Variants in SEL1L2 observed in about 807,000 individuals in gnomAD.
SEL1L2 encodes protein sel-1 homolog 2.
SEL1L2 carries 89 observed loss-of-function variants against 98.8 expected under a neutral mutation model. The ratio of observed to expected loss-of-function variants is 0.90; its 90% CI spans 0.76 to 1.07. The LOEUF (loss-of-function observed/expected upper bound fraction) is 1.07, where lower values mean the gene tolerates loss of function less well. SEL1L2 is among the 50% of genes least tolerant of loss of function. SEL1L2 has a pLI of 0.00. For missense variants in SEL1L2, 788 were observed against 812.0 expected (o/e 0.97, Z 0.36); for synonymous variants, 262 against 278.5 (o/e 0.94, Z 0.59).
At chr20:13,896,978 G>T (rs939987667) in intron 5 of SEL1L2, among the ~76,000 whole-genome samples, 2 of 152,112 alleles carry the variant, frequency 1.3e-5, no homozygotes, top group African/African-American at 2.4e-5. Flanking sequence ...AAAACAAAAT[G>T]GGAGGCCTCA....
At chr20:13,852,696 T>C (rs1208527920) in intron 18 of SEL1L2, among the ~76,000 whole-genome samples, 2 of 152,206 alleles carry the variant, frequency 1.3e-5, no homozygotes, top group Non-Finnish European at 2.9e-5. Context: ...GAACATGTTT[T>C]TAACTAAAAT....
chr20:13,947,915 G>C (rs970965427), intron 2 of SEL1L2, among the ~76,000 whole-genome samples: 1 of 152,218 alleles, frequency 6.6e-6, no homozygotes, highest in Non-Finnish European at 1.5e-5. Context: ...CACAGTGACT[G>C]GACCCCGTGC....
chr20:13,988,235 G>C (rs1051492378), intron 1 of SEL1L2, among the ~76,000 whole-genome samples: 1 of 152,036 alleles, frequency 6.6e-6, no homozygotes, highest in East Asian at 1.9e-4. Flanking sequence ...GTAGGTTCTC[G>C]CTATGTTGAC....
At position 13,850,205 on chromosome 20, in the gene SEL1L2, T is replaced by C. The variant is rs745581158; in HGVS notation, c.1933A>G (p.Ile645Val). The change falls in exon 19 of 20, where the codon ATC becomes GTC. Residue 645 changes from isoleucine (I) to valine (V), a missense_variant. Ile to Val is a conservative substitution (Grantham distance 29, BLOSUM62 3). Transcript: ENST00000284951. ...KLETTHLLRD[I>V]LFFNFTTRWN... ...GACAAACTTACATTAAAAAACAGGA[T>C]ATCCCGGAGCAAATGCGTAGTTTCC... 1.2e-6 allele frequency: 2 copies of C among 1,613,900 alleles called. No individual in the cohort carries two copies. Among genetic ancestry groups the C allele is most frequent in the South Asian group, 1.1e-5 (1 of 91,072 alleles).
chr20:13,854,620 T>G (rs1988841152), intron 18 of SEL1L2, among the ~76,000 whole-genome samples: 1 of 152,238 alleles, frequency 6.6e-6, no homozygotes. Flanking sequence ...AAGGCTGTCT[T>G]GTTCTTATTG....
intron 5 of SEL1L2, among the ~76,000 whole-genome samples, chr20:13,890,594 T>TAAC (rs906348427): frequency 1.1e-4 from 16 of 151,234 alleles, no homozygotes; most frequent in South Asian, 4.2e-4. Flanking sequence ...AGCAAAATAA[T>TAAC]AACAACAACA....
chr20:13,877,528 TA>T lies in SEL1L2; in HGVS notation c.1017del (p.Phe339LeufsTer2). ...CAAGATGAAGCATGTACCTTTCCTA[TA>T]AATGCCATGGCATTTGCACTCCCGG... ...AKAGSANAMAFIGKMYLEGNA... is the reference protein window; with the variant it reads ...AKAGSANAMAXIGKMYLEGNA... On this transcript the variant is annotated frameshift_variant, in exon 11 of 20. Coordinates refer to ENST00000284951, the MANE Select transcript of SEL1L2 (RefSeq NM_025229.2). LOFTEE classifies it high-confidence loss of function. The T allele has an allele frequency of 6.2e-7, 1 of 1,609,166 alleles. No individual in the cohort carries two copies. The highest frequency in any genetic ancestry group is 8.5e-7 in the Non-Finnish European group (1 of 1,175,912).
intron 4 of SEL1L2, chr20:13,915,070 C>G (rs562735414): frequency 8.0e-7 from 1 of 1,254,172 alleles, no homozygotes; most frequent in African/African-American, 1.6e-5. Context: ...GGAAAAAAAA[C>G]CCCATAAAAA....
At chr20:13,930,846 A>G in intron 3 of SEL1L2, among the ~76,000 whole-genome samples, 1 of 151,808 alleles carries the variant, frequency 6.6e-6, no homozygotes, top group Non-Finnish European at 1.5e-5. Flanking sequence ...ACTTTTCTGT[A>G]TTTACTTGTG....
intron 4 of SEL1L2, among the ~76,000 whole-genome samples, chr20:13,916,828 C>A (rs1315307069): frequency 1.3e-5 from 2 of 151,918 alleles, no homozygotes; most frequent in Non-Finnish European, 2.9e-5. Context: ...CGGGGGTGGT[C>A]AGGAGACTGA....
intron 4 of SEL1L2, among the ~76,000 whole-genome samples, chr20:13,916,039 G>A (rs1332265475): frequency 6.6e-6 from 1 of 152,094 alleles, no homozygotes; most frequent in African/African-American, 2.4e-5. Flanking sequence ...AGCTGTCAGT[G>A]AGGCTTCCTG....
chr20:13,905,627 A>C (rs2148127265), intron 5 of SEL1L2, among the ~76,000 whole-genome samples: 1 of 152,078 alleles, frequency 6.6e-6, no homozygotes, highest in South Asian at 2.1e-4. Flanking sequence ...CCTATACCTT[A>C]ATACTTGAGC....
At chr20:13,978,169 G>A (rs1250614927) in intron 1 of SEL1L2, among the ~76,000 whole-genome samples, 1 of 152,120 alleles carries the variant, frequency 6.6e-6, no homozygotes, top group East Asian at 1.9e-4. Context: ...CTGACCAACG[G>A]AACAGGATAG....
At chr20:13,986,694 T>C (rs1313342564) in intron 1 of SEL1L2, among the ~76,000 whole-genome samples, 1 of 152,250 alleles carries the variant, frequency 6.6e-6, no homozygotes. Flanking sequence ...TAAGCTCTAA[T>C]GAATAATGCT....
chr20:13,952,401 T>A (rs1253084645), intron 2 of SEL1L2, among the ~76,000 whole-genome samples: 1 of 152,168 alleles, frequency 6.6e-6, no homozygotes, highest in East Asian at 1.9e-4. Flanking sequence ...ATGGCATAAA[T>A]GAGGTCTAGG....
At chr20:13,986,011 AC>A (rs1234100649) in intron 1 of SEL1L2, among the ~76,000 whole-genome samples, 4 of 152,302 alleles carry the variant, frequency 2.6e-5, no homozygotes, top group Non-Finnish European at 4.4e-5. Flanking sequence ...GTATGGATAT[AC>A]CACGTTTTGT....
chr20:13,903,315 T>A (rs530980713), intron 5 of SEL1L2, among the ~76,000 whole-genome samples: 134 of 152,272 alleles, frequency 8.8e-4, no homozygotes, highest in Middle Eastern at 6.8e-3. Flanking sequence ...ATCATCAATA[T>A]CACTTTCTCA....
chr20:13,978,945 G>T (rs978101870), intron 1 of SEL1L2, among the ~76,000 whole-genome samples: 6 of 152,000 alleles, frequency 3.9e-5, no homozygotes, highest in Non-Finnish European at 8.8e-5. Context: ...TGTAATTTCC[G>T]GTCACTTGGG....
At chr20:13,924,085 T>C (rs2048775701) in intron 3 of SEL1L2, among the ~76,000 whole-genome samples, 1 of 152,228 alleles carries the variant, frequency 6.6e-6, no homozygotes, top group African/African-American at 2.4e-5. Context: ...ATTATTGACT[T>C]TACCTTGAAG....
Sources: allele counts gnomAD v4.1 joint callset (sites outside exome capture counted in the v4.1 genomes callset), GRCh38; gene constraint gnomAD v4.1.1; transcripts MANE v1.5; gene names NCBI Gene and HGNC (gene_info 2026-07-23, HGNC 2026-07-21).